The following NCAPD2 variants were observed in gnomAD, a reference collection of about 807,000 sequenced individuals.
NCAPD2 encodes the protein non-SMC condensin I complex subunit D2.
In NCAPD2, 100 loss-of-function variants were observed where a neutral mutation model predicts 164.5. The observed-to-expected ratio is 0.61, with a 90% CI of 0.52 to 0.72. The LOEUF (loss-of-function observed/expected upper bound fraction) is 0.72, where lower values mean the gene tolerates loss of function less well. Ranked by LOEUF, NCAPD2 falls within the 30% of genes least tolerant of loss-of-function variation. The pLI, the probability that NCAPD2 is intolerant of heterozygous loss-of-function variation, is 0.00. For missense variants in NCAPD2, 1,560 were observed against 1,749.2 expected (o/e 0.89, Z 1.93); for synonymous variants, 585 against 642.6 (o/e 0.91, Z 1.36).
chr12:6,498,512 A>G (rs1417749560), intron 2 of NCAPD2, among the ~76,000 whole-genome samples: 1 of 152,236 alleles, frequency 6.6e-6, no homozygotes, highest in African/African-American at 2.4e-5. Context: ...TGAAACTGGA[A>G]TAGTACCAAC....
intron 2 of NCAPD2, among the ~76,000 whole-genome samples, chr12:6,501,372 G>A (rs1946034941): frequency 6.6e-6 from 1 of 151,336 alleles, no homozygotes; most frequent in Non-Finnish European, 1.5e-5. Context: ...ATTTTTAGTA[G>A]AGATGCGGTT....
At chr12:6,516,596 G>A (rs1374993612) in intron 9 of NCAPD2, among the ~76,000 whole-genome samples, 2 of 152,186 alleles carry the variant, frequency 1.3e-5, no homozygotes, top group South Asian at 2.1e-4. Flanking sequence ...GTGAGTGGAT[G>A]TGATTTTTTT....
chr12:6,498,539 G>GT (rs2137035279), intron 2 of NCAPD2, among the ~76,000 whole-genome samples: 1 of 152,144 alleles, frequency 6.6e-6, no homozygotes, highest in Non-Finnish European at 1.5e-5. Flanking sequence ...ATATACTATG[G>GT]TTTTTTCCCT....
Position 6,521,830 on chromosome 12 carries a change from C to T in NCAPD2, c.1747C>T (p.Arg583Trp), listed in dbSNP as rs776884151. 40 of 1,613,910 alleles carry T rather than the reference C, an allele frequency of 2.5e-5. No homozygotes were observed. Among genetic ancestry groups the T allele is most frequent in the Middle Eastern group, 3.3e-4 (2 of 6,078 alleles). ...AGCTTCCACACAAGAAAAGAATCCC[C>T]GGGAGTCTACAGGAAACATGGTCAC... ...PAASTQEKNP[R>W]ESTGNMVTGQ... The change falls in exon 15 of 32, where the codon CGG becomes TGG. Residue 583 changes from arginine to tryptophan, a missense_variant. By Grantham distance (101) the Arg-to-Trp change is moderately radical. Transcript: ENST00000315579.
rs1335900412 is a variant in NCAPD2, at chr12:6,517,836, C to T, written c.1466C>T (p.Thr489Ile). ...WEAMLPELKS[T>I]LQQLLQLPQG... ...GCCATGCTGCCAGAGTTGAAGTCTA[C>T]CCTGCAGCAGCTTCTACAGCTTCCC... Residue 489 changes from threonine to isoleucine, a missense_variant, in exon 13 of 32, where the codon ACC becomes ATC. Physicochemically the swap from Thr to Ile is moderately conservative, Grantham distance 89. Transcript: ENST00000315579. 2 of 1,614,148 alleles carry T rather than the reference C, an allele frequency of 1.2e-6. No homozygotes were observed. Among genetic ancestry groups the T allele is most frequent in the Non-Finnish European group, 1.7e-6 (2 of 1,180,022 alleles).
chr12:6,504,153 A>G (rs1264005978), intron 2 of NCAPD2, among the ~76,000 whole-genome samples: 3 of 144,488 alleles, frequency 2.1e-5, no homozygotes, highest in East Asian at 2.1e-4. Flanking sequence ...TGCATGGACT[A>G]TCTCATTCAG....
At chr12:6,501,090 T>TGGCTCTGTC (rs1443687037) in intron 2 of NCAPD2, among the ~76,000 whole-genome samples, 6 of 150,612 alleles carry the variant, frequency 4.0e-5, no homozygotes, top group Non-Finnish European at 8.9e-5. Context: ...CTTGCTCTGT[T>TGGCTCTGTC]GGCTCTGTCA....
At position 6,531,613 on chromosome 12, in the gene NCAPD2, C is replaced by T. The variant is rs1342151682; in HGVS notation, c.*201C>T. On this transcript the variant is annotated 3_prime_UTR_variant, in exon 32 of 32. Coordinates refer to ENST00000315579, the MANE Select transcript of NCAPD2 (RefSeq NM_014865.4). The surrounding 1 kb of genome is among the most constrained non-coding windows in gnomAD (Gnocchi z 4.1). The stretch of plus-strand genomic sequence containing the variant: ...CTGAGGTAGGGAGTTCGAGACCAGC[C>T]TGACCAACATGGAGAAACCCCATCT... 9.8e-7 allele frequency: 1 copy of T among 1,022,434 alleles called. No individual in the cohort carries two copies. The highest frequency in any genetic ancestry group is 1.4e-6 in the Non-Finnish European group (1 of 712,668). The allele number at this position is 1,022,434 out of a possible 1,614,324, so 63.3% of individuals were successfully genotyped here.
At chr12:6,495,439 G>A (rs889530609) in intron 2 of NCAPD2, among the ~76,000 whole-genome samples, 1 of 152,188 alleles carries the variant, frequency 6.6e-6, no homozygotes, top group Non-Finnish European at 1.5e-5. Context: ...GTCAAAAACA[G>A]TCTTGGTGTA....
At chr12:6,511,755 G>A (rs1460476770) in intron 6 of NCAPD2, among the ~76,000 whole-genome samples, 3 of 152,030 alleles carry the variant, frequency 2.0e-5, no homozygotes, top group Non-Finnish European at 4.4e-5. Context: ...GCCGAGGCGA[G>A]TGGATCACCT....
At chr12:6,503,499 C>T (rs185610657) in intron 2 of NCAPD2, among the ~76,000 whole-genome samples, 36 of 152,192 alleles carry the variant, frequency 2.4e-4, no homozygotes, top group Non-Finnish European at 4.3e-4. Flanking sequence ...GGGTTGGGCA[C>T]GGTGGCTCAC....
intron 2 of NCAPD2, 134 bp downstream of exon 2, chr12:6,495,359 T>A: frequency 8.9e-7 from 1 of 1,128,042 alleles, no homozygotes; most frequent in Non-Finnish European, 1.2e-6. Context: ...CCTATTTTGC[T>A]GTTTTATCCT....
intron 6 of NCAPD2, among the ~76,000 whole-genome samples, chr12:6,511,985 A>C (rs896464657): frequency 6.6e-6 from 1 of 150,806 alleles, no homozygotes; most frequent in Non-Finnish European, 1.5e-5. Context: ...ATCCCGTCTC[A>C]AAAAAAATAG....
Position 6,526,968 on chromosome 12 carries a change from C to T in NCAPD2, c.2812C>T (p.Leu938=). 1 of 1,614,190 alleles carries T rather than the reference C, an allele frequency of 6.2e-7. No individual in the cohort carries two copies. Among genetic ancestry groups the T allele is most frequent in the Non-Finnish European group, 8.5e-7 (1 of 1,180,036 alleles). ...SLAGDVALQQ[L]VHLEQAVSGE... ...GGCTGGGGATGTGGCTCTGCAGCAGCTGGTCCACTTGGAGCAGGCAGTGAG... is the reference window on the plus strand; with the variant it reads ...GGCTGGGGATGTGGCTCTGCAGCAGTTGGTCCACTTGGAGCAGGCAGTGAG... The change falls in exon 22 of 32, where the codon CTG becomes TTG. Residue 938 remains leucine (L), a synonymous_variant. Coordinates refer to ENST00000315579, the MANE Select transcript of NCAPD2 (RefSeq NM_014865.4).
chr12:6,520,636 G>A (rs1946255389), intron 13 of NCAPD2, among the ~76,000 whole-genome samples: 1 of 152,112 alleles, frequency 6.6e-6, no homozygotes. Context: ...ACTAATTATT[G>A]AAAGTTTATT....
Position 6,531,525 on chromosome 12 carries a change from G to T in NCAPD2, c.*113G>T, listed in dbSNP as rs1946373995. 1 of 1,497,014 alleles carries T rather than the reference G, an allele frequency of 6.7e-7. No homozygotes were observed. The highest frequency in any genetic ancestry group is 8.9e-7 in the Non-Finnish European group (1 of 1,118,522). The allele number at this position is 1,497,014 out of a possible 1,614,324, so 92.7% of individuals were successfully genotyped here. On this transcript the variant is annotated 3_prime_UTR_variant, in exon 32 of 32. Transcript: ENST00000315579. The surrounding 1 kb of genome is among the most constrained non-coding windows in gnomAD (Gnocchi z 4.1). The stretch of plus-strand genomic sequence containing the variant: ...TCTCTTTTTTTTAAAAAAAAAAAAG[G>T]CCGGGCACTGTGGCTCACGCCTGTA...
Position 6,531,428 on chromosome 12 carries a change from C to G in NCAPD2, c.*16C>G. 6.2e-7 allele frequency: 1 copy of G among 1,612,732 alleles called. No individual in the cohort carries two copies. Among genetic ancestry groups the G allele is most frequent in the Non-Finnish European group, 8.5e-7 (1 of 1,179,380 alleles). On this transcript the variant is annotated 3_prime_UTR_variant, in exon 32 of 32. Transcript: ENST00000315579. The surrounding 1 kb of genome is among the most constrained non-coding windows in gnomAD (Gnocchi z 4.1). ...CAGATCCTAGGAAGTCTGTTCCTGT[C>G]CTCCCTGTGCAGGGTATCCTGTAGG...
intron 13 of NCAPD2, 109 bp downstream of exon 13, chr12:6,518,068 AC>A: frequency 9.5e-7 from 1 of 1,051,648 alleles, no homozygotes; most frequent in South Asian, 1.5e-5. Flanking sequence ...ATATGCTGCC[AC>A]CAGGTGATGG....
At chr12:6,509,571 A>G (rs1946127154) in intron 2 of NCAPD2, 146 bp from the exon 3 acceptor site, 1 of 795,618 alleles carries the variant, frequency 1.3e-6, no homozygotes, top group Non-Finnish European at 2.1e-6. Context: ...TCTCATCGTC[A>G]TTATAGGTTA....
Sources: allele counts gnomAD v4.1 joint callset (sites outside exome capture counted in the v4.1 genomes callset), GRCh38; gene constraint gnomAD v4.1.1; non-coding constraint Gnocchi (gnomAD v3.1); transcripts MANE v1.5; gene names NCBI Gene and HGNC (gene_info 2026-07-23, HGNC 2026-07-21).